NBAS: variants seen among roughly 807,000 people sequenced by gnomAD.
NBAS encodes the protein NBAS subunit of NRZ tethering complex, also known as NAG/BC035112 fusion.
Under a neutral mutation model 302.5 loss-of-function variants are expected in NBAS, and 219 were observed. The observed-to-expected ratio is 0.72, with a 90% CI of 0.65 to 0.81. The LOEUF (loss-of-function observed/expected upper bound fraction) is 0.81. Ranked by LOEUF, NBAS falls within the 30% of genes least tolerant of loss-of-function variation. The probability of loss-of-function intolerance (pLI) is 0.00; values close to 1 mark genes in which losing one functional copy is unlikely to be tolerated. For missense variants in NBAS, 2,932 were observed against 2,841.6 expected, an observed-to-expected ratio of 1.03 and a Z score of -0.72; for synonymous variants, 1,118 against 1,021.6, an observed-to-expected ratio of 1.09 and a Z score of -1.80.
At chr2:15,323,814 G>A (rs752612118) in intron 38 of NBAS, among the ~76,000 whole-genome samples, 6 of 150,102 alleles carry the variant, frequency 4.0e-5, no homozygotes, top group Non-Finnish European at 7.4e-5. Context: ...CAGCCTGGGC[G>A]ACACAGCAAG....
intron 9 of NBAS, 111 bp downstream of exon 9, chr2:15,534,432 A>G (rs1253604209): frequency 1.2e-6 from 1 of 831,926 alleles, no homozygotes; most frequent in Non-Finnish European, 2.1e-6. Context: ...ATAACTACGC[A>G]CAAGAGGAGG....
intron 38 of NBAS, among the ~76,000 whole-genome samples, chr2:15,323,056 A>C (rs1333524113): frequency 1.3e-5 from 2 of 152,228 alleles, no homozygotes; most frequent in Non-Finnish European, 2.9e-5. Flanking sequence ...TAGTAGACTC[A>C]GATTCTTTCT....
In NBAS at chr2:15,167,088, G is replaced by T. The variant is rs376484930; in HGVS notation, c.7076C>A (p.Thr2359Asn). Residue 2359 changes from threonine (T) to asparagine (N), a missense_variant, in exon 52 of 52, where the codon ACC becomes AAC. Coordinates refer to ENST00000281513, the MANE Select transcript of NBAS (RefSeq NM_015909.4). ...AVRGTHQAFR[T>N]FSTALRAAQH... ...TGCTGCGCGGAGGGCTGTACTGAAG[G>T]TTCTGAAGGCCTGGTGAGTCCCCCT... is the stretch of plus-strand genomic sequence containing the variant. 1.1e-5 allele frequency: 18 copies of T among 1,611,196 alleles called. No homozygotes were observed. Among genetic ancestry groups the T allele is most frequent in the Non-Finnish European group, 1.5e-5 (18 of 1,178,272 alleles).
At chr2:15,380,910 A>G (rs1406740010) in intron 29 of NBAS, among the ~76,000 whole-genome samples, 1 of 132,140 alleles carries the variant, frequency 7.6e-6, no homozygotes, top group Non-Finnish European at 1.7e-5. Context: ...GGCTTCCTGC[A>G]GAAGGCATTT....
At chr2:15,440,291 G>A (rs189561751) in intron 21 of NBAS, among the ~76,000 whole-genome samples, 237 of 152,252 alleles carry the variant, frequency 1.6e-3, no homozygotes, top group African/African-American at 5.5e-3. Context: ...CACACGGCCC[G>A]GTACTCCGCT....
chr2:15,328,242 T>C lies in NBAS; in HGVS notation c.4418A>G (p.His1473Arg). Residue 1473 changes from histidine to arginine, a missense_variant, in exon 37 of 52, where the codon CAT (histidine) becomes CGT (arginine). Coordinates refer to ENST00000281513, the MANE Select transcript of NBAS (RefSeq NM_015909.4). ...ANEDLEKQGC[H>R]PFYESVISNP... ...TGAGATGACAGATTCATAAAAAGGA[T>C]GACACCCTTGTTTCTCTAGATCTTC... 6.2e-7 allele frequency: 1 copy of C among 1,613,924 alleles called. No homozygotes were observed. The highest frequency in any genetic ancestry group is 8.5e-7 in the Non-Finnish European group (1 of 1,179,892).
At chr2:15,154,141 C>T in the NBAS span, among the ~76,000 whole-genome samples, 2 of 152,310 alleles carry the variant, frequency 1.3e-5, no homozygotes, top group South Asian at 4.1e-4. Flanking sequence ...AATGTATCCA[C>T]TTGGAAGTTG....
chr2:15,203,389 C>A (rs1211060991), intron 48 of NBAS, among the ~76,000 whole-genome samples: 1 of 152,128 alleles, frequency 6.6e-6, no homozygotes, highest in Non-Finnish European at 1.5e-5. Flanking sequence ...AATGTTAAGT[C>A]CATGGAAGGC....
chr2:14,895,167 T>C, the NBAS span, among the ~76,000 whole-genome samples: 5 of 106,322 alleles, frequency 4.7e-5, no homozygotes, highest in African/African-American at 2.8e-4. Context: ...TCCAGGTGTA[T>C]AAAGAGAGGG....
At chr2:14,927,561 T>C in the NBAS span, among the ~76,000 whole-genome samples, 1 of 152,190 alleles carries the variant, frequency 6.6e-6, no homozygotes, top group Non-Finnish European at 1.5e-5. Flanking sequence ...CTTTCAGTTC[T>C]TTTGGGTGTC....
chr2:15,225,179 C>A (rs1225458997), intron 47 of NBAS, among the ~76,000 whole-genome samples: 2 of 152,142 alleles, frequency 1.3e-5, no homozygotes, highest in Non-Finnish European at 2.9e-5. Context: ...TTCCTGGGTT[C>A]TTGGAGAACT....
intron 32 of NBAS, 100 bp downstream of exon 32, chr2:15,366,480 T>A: frequency 5.1e-6 from 6 of 1,178,260 alleles, no homozygotes; most frequent in Non-Finnish European, 7.6e-6. Flanking sequence ...AAAAAAGCTG[T>A]TCTTCTGACG....
At chr2:15,061,170 T>C in the NBAS span, among the ~76,000 whole-genome samples, 1,787 of 152,264 alleles carry the variant, frequency 0.012, 32 homozygotes, top group African/African-American at 0.041. Context: ...GGTATAAACG[T>C]AAGTCTTTTC....
At chr2:15,211,650 T>A (rs1238607504) in intron 48 of NBAS, among the ~76,000 whole-genome samples, 1 of 152,216 alleles carries the variant, frequency 6.6e-6, no homozygotes, top group Non-Finnish European at 1.5e-5. Context: ...TTGTGCAACA[T>A]GTTAACTAAA....
chr2:15,414,833 T>C (rs1676845524), intron 25 of NBAS, among the ~76,000 whole-genome samples: 1 of 152,000 alleles, frequency 6.6e-6, no homozygotes, highest in African/African-American at 2.4e-5. Context: ...TAATCCCAGC[T>C]ACTCGGAAGG....
the NBAS span, among the ~76,000 whole-genome samples, chr2:15,134,448 A>G: frequency 6.6e-6 from 1 of 151,878 alleles, no homozygotes; most frequent in African/African-American, 2.4e-5. Context: ...TAAACAAACT[A>G]AGACTCTCTC....
chr2:15,397,385 T>C, intron 26 of NBAS: 1 of 296,452 alleles, frequency 3.4e-6, no homozygotes, highest in Non-Finnish European at 6.3e-6. Flanking sequence ...ATTTCCATTG[T>C]ATTTTTCTCC....
At chr2:15,185,048 ATT>A (rs1361319073) in intron 50 of NBAS, among the ~76,000 whole-genome samples, 2 of 152,214 alleles carry the variant, frequency 1.3e-5, no homozygotes, top group Non-Finnish European at 2.9e-5. Context: ...GACATTCAAT[ATT>A]CATGTATCTC....
the NBAS span, among the ~76,000 whole-genome samples, chr2:14,913,718 T>A: frequency 1.3e-5 from 2 of 152,030 alleles, no homozygotes; most frequent in Non-Finnish European, 2.9e-5. Context: ...GCTTGGAAGT[T>A]ACAGTAATGA....
Sources: allele counts gnomAD v4.1 joint callset (sites outside exome capture counted in the v4.1 genomes callset), GRCh38; gene constraint gnomAD v4.1.1; transcripts MANE v1.5; gene names NCBI Gene and HGNC (gene_info 2026-07-23, HGNC 2026-07-21).